Variants in MYRIP observed in about 807,000 individuals in gnomAD.
MYRIP encodes the protein rab effector MyRIP.
Under a neutral mutation model 98.0 loss-of-function variants are expected in MYRIP, and 49 were observed. The observed-to-expected ratio is 0.50, with a 90% confidence interval of 0.40 to 0.63. MYRIP has a LOEUF of 0.63. MYRIP is among the 30% of genes least tolerant of loss of function. The pLI is 0.00. For synonymous variants in MYRIP, 404 were observed against 409.5 expected, an observed-to-expected ratio of 0.99 and a Z score of 0.16; for missense variants, 1,004 against 1,058.2, an observed-to-expected ratio of 0.95 and a Z score of 0.71.
intron 10 of MYRIP, among the ~76,000 whole-genome samples, chr3:40,204,672 A>C (rs58561724): frequency 0.04 from 6,154 of 152,116 alleles, 302 homozygotes; most frequent in African/African-American, 0.11. Context: ...TCCTAGGTAA[A>C]TAATCAGTCC....
chr3:39,852,976 T>C (rs1575306854), intron 1 of MYRIP, among the ~76,000 whole-genome samples: 2 of 152,262 alleles, frequency 1.3e-5, no homozygotes, highest in South Asian at 4.1e-4. Flanking sequence ...GAGACGGGGT[T>C]TCATCATGTT....
intron 2 of MYRIP, among the ~76,000 whole-genome samples, chr3:39,981,923 G>A (rs1945906216): frequency 6.6e-6 from 1 of 151,960 alleles, no homozygotes; most frequent in Admixed American, 6.6e-5. Context: ...TGATTGGATT[G>A]GAGAACACAC....
At chr3:40,022,138 A>G in intron 2 of MYRIP, among the ~76,000 whole-genome samples, 1 of 152,270 alleles carries the variant, frequency 6.6e-6, no homozygotes, top group East Asian at 1.9e-4. Flanking sequence ...TCTCTTGCCC[A>G]TTGGTTGAAC....
In MYRIP at chr3:40,159,472, C is replaced by A. The variant is rs541306242; in HGVS notation, c.470-3258C>A. Among the ~76,000 whole-genome samples, 1,029 of 152,008 alleles carry A rather than the reference C, an allele frequency of 6.8e-3. 11 individuals are homozygous for A. The highest frequency in any genetic ancestry group is 0.024 in the African/African-American group (987 of 41,410). On this transcript the variant is annotated intron_variant, in intron 4 of 16. Transcript: ENST00000302541. ...TTTGGTGAATCTGACAATTATGTGT[C>A]TTGGAGTTGCTCTTCTCGAGGAGTA... is the stretch of plus-strand genomic sequence containing the variant.
chr3:40,203,591 A>G (rs902252872), intron 10 of MYRIP, among the ~76,000 whole-genome samples: 2 of 148,024 alleles, frequency 1.4e-5, no homozygotes, highest in Non-Finnish European at 3.0e-5. Flanking sequence ...GGAGTATTCT[A>G]TCGTTAAGTG....
chr3:39,952,929 T>C (rs914222560), intron 2 of MYRIP, among the ~76,000 whole-genome samples: 2 of 152,126 alleles, frequency 1.3e-5, no homozygotes, highest in African/African-American at 4.8e-5. Flanking sequence ...CTTATCAGGG[T>C]TCACTACAGC....
intron 2 of MYRIP, among the ~76,000 whole-genome samples, chr3:39,995,436 A>G (rs1946320526): frequency 6.6e-6 from 1 of 152,218 alleles, no homozygotes; most frequent in Non-Finnish European, 1.5e-5. Context: ...AAAGGGTATC[A>G]GTGATGGAAG....
At chr3:40,054,822 C>T (rs1346043466) in intron 3 of MYRIP, among the ~76,000 whole-genome samples, 1 of 152,186 alleles carries the variant, frequency 6.6e-6, no homozygotes, top group Admixed American at 6.6e-5. Context: ...GATGCCTTGG[C>T]AACCGTCATC....
chr3:40,117,231 G>A (rs765761254), intron 3 of MYRIP, among the ~76,000 whole-genome samples: 86 of 152,254 alleles, frequency 5.6e-4, no homozygotes, highest in Non-Finnish European at 1.1e-3. Context: ...ATCATACACC[G>A]GTTATGTAAA....
chr3:40,027,083 C>T (rs1254762996), intron 2 of MYRIP, among the ~76,000 whole-genome samples: 1 of 152,136 alleles, frequency 6.6e-6, no homozygotes, highest in African/African-American at 2.4e-5. Context: ...GTCCTCTTGG[C>T]ATTGCTCTTC....
intron 2 of MYRIP, among the ~76,000 whole-genome samples, chr3:39,907,357 A>G (rs550891247): frequency 2.6e-5 from 4 of 152,334 alleles, no homozygotes; most frequent in Admixed American, 2.0e-4. Flanking sequence ...GTGCTCATGC[A>G]TATTCCCAGT....
chr3:40,142,226 A>G (rs1283409690), intron 3 of MYRIP, among the ~76,000 whole-genome samples: 1 of 150,956 alleles, frequency 6.6e-6, no homozygotes. Context: ...TCATTTTTGT[A>G]TTTTTTAGTA....
chr3:39,905,183 T>C, intron 2 of MYRIP, among the ~76,000 whole-genome samples: 1 of 152,304 alleles, frequency 6.6e-6, no homozygotes, highest in African/African-American at 2.4e-5. Context: ...GTGTTTCTTT[T>C]TTATCAGATG....
intron 12 of MYRIP, among the ~76,000 whole-genome samples, chr3:40,241,764 A>G (rs1880763): frequency 0.33 from 49,520 of 152,072 alleles, 8,767 homozygotes; most frequent in East Asian, 0.57. Context: ...GGGGTCATAG[A>G]TTACTCAGAC....
chr3:40,081,848 G>A (rs1055582604), intron 3 of MYRIP, among the ~76,000 whole-genome samples: 1 of 152,076 alleles, frequency 6.6e-6, no homozygotes, highest in African/African-American at 2.4e-5. Context: ...CCCAGCCTCT[G>A]CTAACCACCA....
At chr3:40,155,173 G>T (rs1379922109) in intron 4 of MYRIP, among the ~76,000 whole-genome samples, 3 of 130,470 alleles carry the variant, frequency 2.3e-5, no homozygotes, top group African/African-American at 8.9e-5. Flanking sequence ...CCCAGAGTGT[G>T]ATGTTCCCCT....
chr3:40,025,194 A>T lies in MYRIP; in HGVS notation c.111-18856A>T, dbSNP rs373559228. Among the ~76,000 whole-genome samples, 230 of 152,268 alleles carry T rather than the reference A, an allele frequency of 1.5e-3. 2 individuals carry two copies. The highest frequency in any genetic ancestry group is 5.4e-3 in the African/African-American group (225 of 41,564). On this transcript the variant is annotated intron_variant, in intron 2 of 16. Transcript: ENST00000302541. ...CATGTGGGATGAGTGGGGCATGGCG[A>T]GTGCTCCAACTGTCCAGGTTCTGGA...
intron 3 of MYRIP, among the ~76,000 whole-genome samples, chr3:40,086,418 GAAGACTGTGGT>G (rs1948628054): frequency 6.6e-6 from 1 of 152,216 alleles, no homozygotes; most frequent in Non-Finnish European, 1.5e-5. Context: ...GGAGGGATGG[GAAGACTGTGGT>G]AGAGGGGTTT....
At chr3:40,168,544 C>A (rs1384062632) in intron 7 of MYRIP, among the ~76,000 whole-genome samples, 4 of 152,230 alleles carry the variant, frequency 2.6e-5, no homozygotes, top group African/African-American at 9.6e-5. Context: ...CAAGGACTAT[C>A]TGTATATATG....
Sources: allele counts gnomAD v4.1 joint callset (sites outside exome capture counted in the v4.1 genomes callset), GRCh38; gene constraint gnomAD v4.1.1; transcripts MANE v1.5; gene names NCBI Gene and HGNC (gene_info 2026-07-23, HGNC 2026-07-21).